Variants in SPATA16 observed in about 807,000 individuals in gnomAD.
SPATA16 encodes the protein spermatogenesis-associated protein 16.
A neutral mutation model predicts 63.3 loss-of-function variants in SPATA16; 36 were observed. The observed-to-expected ratio is 0.57, with a 90% CI of 0.44 to 0.75. SPATA16 has a LOEUF of 0.75. Among genes scored for constraint, SPATA16 ranks in the 30% least tolerant of loss-of-function variants. SPATA16 has a pLI of 0.00. For synonymous variants in SPATA16, 203 were observed against 216.7 expected, an observed-to-expected ratio of 0.94 and a Z score of 0.56; for missense variants, 646 against 679.3, an observed-to-expected ratio of 0.95 and a Z score of 0.54.
intron 6 of SPATA16, among the ~76,000 whole-genome samples, chr3:172,941,725 G>T (rs1379096242): frequency 6.6e-6 from 1 of 152,112 alleles, no homozygotes; most frequent in Non-Finnish European, 1.5e-5. Flanking sequence ...GAACTGAAAT[G>T]CGAGAAAAAA....
At chr3:172,890,303 A>G (rs555312721) in intron 10 of SPATA16, among the ~76,000 whole-genome samples, 33 of 152,360 alleles carry the variant, frequency 2.2e-4, no homozygotes, top group Middle Eastern at 3.4e-3. Flanking sequence ...TCTTTCTTCA[A>G]AGAAAACTTG....
chr3:173,019,311 TTTAA>T (rs1458978715), intron 4 of SPATA16, among the ~76,000 whole-genome samples, 171 bp downstream of exon 4: 1 of 152,182 alleles, frequency 6.6e-6, no homozygotes, highest in Non-Finnish European at 1.5e-5. Flanking sequence ...ATGGAATAGC[TTTAA>T]TTAAAGAGAA....
At chr3:173,102,563 C>G (rs1340975169) in intron 2 of SPATA16, among the ~76,000 whole-genome samples, 1 of 152,078 alleles carries the variant, frequency 6.6e-6, no homozygotes, top group African/African-American at 2.4e-5. Context: ...TTTTAAACAA[C>G]GAGATCTCAT....
intron 2 of SPATA16, among the ~76,000 whole-genome samples, chr3:173,089,557 A>G (rs187166822): frequency 2.6e-5 from 4 of 152,314 alleles, no homozygotes; most frequent in Non-Finnish European, 4.4e-5. Context: ...TTCTGCGGGA[A>G]AATGAACCAG....
chr3:173,105,098 T>C (rs1466309773), intron 2 of SPATA16, among the ~76,000 whole-genome samples: 1 of 152,226 alleles, frequency 6.6e-6, no homozygotes, highest in Admixed American at 6.5e-5. Flanking sequence ...TCTATTCTTT[T>C]AACATGAGTC....
At chr3:173,000,246 C>T (rs1034486249) in intron 4 of SPATA16, among the ~76,000 whole-genome samples, 4 of 152,196 alleles carry the variant, frequency 2.6e-5, no homozygotes, top group African/African-American at 9.7e-5. Context: ...AATTTGCCAG[C>T]ACCTTAATCT....
chr3:172,942,678 G>A (rs1425294324), intron 6 of SPATA16, among the ~76,000 whole-genome samples: 1 of 152,006 alleles, frequency 6.6e-6, no homozygotes, highest in East Asian at 1.9e-4. Context: ...TAATTTTCAA[G>A]CTTGATCCAG....
At chr3:172,933,526 T>C (rs2109589712) in intron 6 of SPATA16, among the ~76,000 whole-genome samples, 1 of 152,300 alleles carries the variant, frequency 6.6e-6, no homozygotes, top group South Asian at 2.1e-4. Context: ...TTTGAGAATG[T>C]TGCTATTATA....
chr3:172,949,682 C>T (rs181295227), intron 6 of SPATA16, among the ~76,000 whole-genome samples: 39 of 152,072 alleles, frequency 2.6e-4, no homozygotes, highest in African/African-American at 6.3e-4. Flanking sequence ...AGAACTCCGT[C>T]GCCTGCTAAA....
chr3:172,945,433 A>C (rs1733258917), intron 6 of SPATA16, among the ~76,000 whole-genome samples: 1 of 152,234 alleles, frequency 6.6e-6, no homozygotes, highest in African/African-American at 2.4e-5. Flanking sequence ...TCATAAGAAC[A>C]AAAAATTAGA....
At chr3:173,075,321 C>T (rs1736772785) in intron 2 of SPATA16, among the ~76,000 whole-genome samples, 1 of 152,090 alleles carries the variant, frequency 6.6e-6, no homozygotes, top group East Asian at 1.9e-4. Flanking sequence ...CCCTTGTACA[C>T]AGTTGGTGAG....
intron 6 of SPATA16, among the ~76,000 whole-genome samples, chr3:172,944,162 A>G (rs542618088): frequency 6.6e-6 from 1 of 152,330 alleles, no homozygotes; most frequent in East Asian, 1.9e-4. Flanking sequence ...CAATTCGAAA[A>G]CAGCAACAAA....
intron 4 of SPATA16, among the ~76,000 whole-genome samples, chr3:172,994,224 T>G (rs1177336949): frequency 6.6e-6 from 1 of 152,122 alleles, no homozygotes; most frequent in Non-Finnish European, 1.5e-5. Flanking sequence ...AAGAAGAAAC[T>G]CTTGGTGAAT....
At chr3:172,929,414 T>C (rs930082778) in intron 6 of SPATA16, among the ~76,000 whole-genome samples, 3 of 152,170 alleles carry the variant, frequency 2.0e-5, no homozygotes, top group African/African-American at 7.2e-5. Flanking sequence ...AGGTAAACAG[T>C]TTTCCCTTCT....
chr3:172,906,484 A>C (rs1208484402), intron 10 of SPATA16, among the ~76,000 whole-genome samples: 1 of 152,150 alleles, frequency 6.6e-6, no homozygotes, highest in African/African-American at 2.4e-5. Flanking sequence ...TATTTTGAGA[A>C]CTGAAGACAA....
chr3:172,910,728 T>C (rs140066842), intron 10 of SPATA16, among the ~76,000 whole-genome samples: 126 of 152,324 alleles, frequency 8.3e-4, no homozygotes, highest in Non-Finnish European at 1.4e-3. Flanking sequence ...CTTCTCCGCC[T>C]AAGTTTGAAA....
chr3:173,068,726 CA>C (rs1211407385), intron 2 of SPATA16, among the ~76,000 whole-genome samples: 1 of 150,792 alleles, frequency 6.6e-6, no homozygotes, highest in East Asian at 1.9e-4. Flanking sequence ...TAAATGCCTA[CA>C]TCAAAAAAGT....
intron 2 of SPATA16, among the ~76,000 whole-genome samples, chr3:173,106,303 A>G (rs1737621194): frequency 6.6e-6 from 1 of 151,908 alleles, no homozygotes; most frequent in South Asian, 2.1e-4. Context: ...ATTCCTTCCT[A>G]TTTTACCTTG....
chr3:173,033,173 T>C (rs977078895), intron 3 of SPATA16, among the ~76,000 whole-genome samples: 1 of 152,168 alleles, frequency 6.6e-6, no homozygotes, highest in Non-Finnish European at 1.5e-5. Context: ...AGAAAAAATA[T>C]ATATTTTTTT....
Sources: gnomAD v4.1 joint callset for allele counts (sites outside exome capture counted in the v4.1 genomes callset) on GRCh38, gnomAD v4.1.1 for gene constraint, MANE v1.5 for transcripts, NCBI Gene and HGNC (gene_info 2026-07-23, HGNC 2026-07-21) for gene names.